SLX9: variants seen among roughly 807,000 people sequenced by gnomAD.
SLX9 encodes the protein ribosome biogenesis protein SLX9 homolog.
SLX9 carries 19 observed loss-of-function variants against 20.8 expected under a neutral mutation model. That is an observed-to-expected ratio of 0.91 (90% CI 0.64 to 1.34). SLX9 has a LOEUF of 1.34. SLX9 is among the 40% of genes most tolerant of loss of function. The pLI is 0.00. For synonymous variants in SLX9, 113 were observed against 137.1 expected (o/e 0.82, Z 1.23); for missense variants, 299 against 322.2 (o/e 0.93, Z 0.55).
At chr21:44,949,391 G>A (rs59444929) in intron 2 of SLX9, among the ~76,000 whole-genome samples, 6,993 of 152,110 alleles carry the variant, frequency 0.046, 537 homozygotes, top group African/African-American at 0.16. Flanking sequence ...CAGCCCAGGC[G>A]GCCCTGCACC....
At chr21:44,945,191 G>A (rs2084620677) in intron 2 of SLX9, among the ~76,000 whole-genome samples, 1 of 152,220 alleles carries the variant, frequency 6.6e-6, no homozygotes, top group Non-Finnish European at 1.5e-5. Flanking sequence ...CCTCTAGAAA[G>A]ATCCAGGTAC....
chr21:44,944,293 T>G (rs1452740728), intron 2 of SLX9, among the ~76,000 whole-genome samples: 5 of 152,196 alleles, frequency 3.3e-5, no homozygotes. Context: ...TCCTCTCAGT[T>G]TCATCAGATC....
At chr21:44,959,666 G>T (rs940340783) in intron 2 of SLX9, among the ~76,000 whole-genome samples, 3 of 152,360 alleles carry the variant, frequency 2.0e-5, no homozygotes, top group African/African-American at 7.2e-5. Context: ...CACGTACGTC[G>T]CTGGGCCTGA....
At chr21:44,961,440 T>C (rs985189721) in intron 3 of SLX9, among the ~76,000 whole-genome samples, 1 of 152,080 alleles carries the variant, frequency 6.6e-6, no homozygotes, top group African/African-American at 2.4e-5. Context: ...TTAGTCAGAT[T>C]AGGTGGTGTA....
In SLX9 at chr21:44,952,699, A is replaced by G. The variant is rs551934516; in HGVS notation, c.284-7401A>G. On this transcript the variant is annotated intron_variant, in intron 2 of 5. Transcript: ENST00000291634. The stretch of plus-strand genomic sequence containing the variant: ...ACCCTCCCTCGTTTGGGGTGCTGCT[A>G]TGTGGGTGTCCGTGTCATGTGCTCC... Among the ~76,000 whole-genome samples, 304 of 152,260 alleles carry G rather than the reference A, an allele frequency of 2.0e-3. 1 individual carries two copies. The highest frequency in any genetic ancestry group is 2.6e-3 in the Non-Finnish European group (176 of 68,006).
intron 1 of SLX9, among the ~76,000 whole-genome samples, chr21:44,942,984 G>A (rs2084576477): frequency 6.6e-6 from 1 of 152,194 alleles, no homozygotes; most frequent in South Asian, 2.1e-4. Flanking sequence ...ATTTTTAAGT[G>A]CCTTTAGCTC....
Position 44,960,185 on chromosome 21 carries a change from G to A in SLX9, c.352+17G>A, listed in dbSNP as rs746045590. 4.3e-5 allele frequency: 69 copies of A among 1,612,910 alleles called. No individual in the cohort carries two copies. In the Middle Eastern group the frequency reaches 6.6e-4, roughly 15 times the overall value. On this transcript the variant is annotated intron_variant, in intron 3 of 5. Coordinates refer to ENST00000291634, the MANE Select transcript of SLX9 (RefSeq NM_058190.4). ...GGTTGCAGAGTAAGTCCATGCCTGC[G>A]TCTTGAGGCAGCTGCCGGCCCAAGT...
At position 44,955,429 on chromosome 21, in the gene SLX9, A is replaced by G. The variant is rs561268062; in HGVS notation, c.284-4671A>G. Among the ~76,000 whole-genome samples the G allele has an allele frequency of 5.9e-5, 9 of 152,354 alleles. No homozygotes were observed. In the East Asian group the frequency reaches 1.7e-3, roughly 29 times the overall value. On this transcript the variant is annotated intron_variant, in intron 2 of 5. Transcript: ENST00000291634. ...GCACTGCCTCTACGTGAAGTTGTGC[A>G]AAGTGGCACATGATAGATACCATGA...
At chr21:44,965,335 T>TG (rs1381980015) in intron 3 of SLX9, among the ~76,000 whole-genome samples, 1 of 152,096 alleles carries the variant, frequency 6.6e-6, no homozygotes, top group African/African-American at 2.4e-5. Flanking sequence ...TCCCAGGCCG[T>TG]GGGTCCCGCC....
chr21:44,972,565 G>A (rs543354311), intron 4 of SLX9, among the ~76,000 whole-genome samples: 16 of 152,292 alleles, frequency 1.1e-4, no homozygotes, highest in African/African-American at 3.4e-4. Flanking sequence ...GGCACCCCCC[G>A]CAGGTGCAGG....
intron 2 of SLX9, among the ~76,000 whole-genome samples, chr21:44,959,479 G>A (rs1402435674): frequency 6.6e-6 from 1 of 152,112 alleles, no homozygotes; most frequent in Non-Finnish European, 1.5e-5. Flanking sequence ...TGTCCCCCCA[G>A]CAAATGAGCC....
At chr21:44,969,855 T>C (rs796439212) in intron 4 of SLX9, among the ~76,000 whole-genome samples, 17 of 152,390 alleles carry the variant, frequency 1.1e-4, no homozygotes, top group African/African-American at 3.8e-4. Flanking sequence ...TCAGATGTCA[T>C]GGCTCCCTCG....
intron 3 of SLX9, among the ~76,000 whole-genome samples, chr21:44,963,567 T>C (rs1200863179): frequency 4.6e-5 from 7 of 152,158 alleles, no homozygotes; most frequent in Admixed American, 2.6e-4. Flanking sequence ...GTTTTTTTTT[T>C]CTATCTTGAA....
At chr21:44,960,229 C>G (rs1325303145) in intron 3 of SLX9, 61 bp downstream of exon 3, 1 of 1,485,640 alleles carries the variant, frequency 6.7e-7, no homozygotes, top group Non-Finnish European at 9.4e-7. Flanking sequence ...GTGGGCCCTC[C>G]TATTCCTACA....
chr21:44,952,391 G>GT (rs1486514819), intron 2 of SLX9, among the ~76,000 whole-genome samples: 1 of 152,260 alleles, frequency 6.6e-6, no homozygotes, highest in Non-Finnish European at 1.5e-5. Context: ...CAGGGCTGAT[G>GT]TTTAAGTTGT....
intron 1 of SLX9, among the ~76,000 whole-genome samples, chr21:44,941,949 G>A (rs184329154): frequency 7.9e-5 from 12 of 152,272 alleles, no homozygotes; most frequent in South Asian, 2.1e-4. Context: ...GCAGCCTACC[G>A]CTCCTGGGCA....
intron 2 of SLX9, among the ~76,000 whole-genome samples, chr21:44,949,603 C>T (rs1159544779): frequency 6.6e-6 from 1 of 152,164 alleles, no homozygotes; most frequent in Non-Finnish European, 1.5e-5. Context: ...GGGCACCCAC[C>T]GCCGCCATTG....
chr21:44,941,297 T>C (rs1338659976), intron 1 of SLX9, among the ~76,000 whole-genome samples: 1 of 152,184 alleles, frequency 6.6e-6, no homozygotes, highest in African/African-American at 2.4e-5. Context: ...TCTTTGAATG[T>C]ATCACTTTTT....
intron 4 of SLX9, 60 bp from the exon 5 acceptor site, chr21:44,973,137 C>T (rs2085187430): frequency 4.5e-5 from 72 of 1,590,936 alleles, no homozygotes; most frequent in Non-Finnish European, 5.7e-5. Flanking sequence ...AGCCTCTGCC[C>T]ACGGGAAGGT....
Sources: allele counts gnomAD v4.1 joint callset (sites outside exome capture counted in the v4.1 genomes callset), GRCh38; gene constraint gnomAD v4.1.1; transcripts MANE v1.5; gene names NCBI Gene and HGNC (gene_info 2026-07-23, HGNC 2026-07-21).